Variants in ITIH2 observed in about 807,000 individuals in gnomAD.
ITIH2 encodes the protein inter-alpha-trypsin inhibitor heavy chain H2.
Under a neutral mutation model 104.4 loss-of-function variants are expected in ITIH2, and 103 were observed. The observed-to-expected ratio is 0.99, with a 90% CI of 0.84 to 1.16. The LOEUF is 1.16. ITIH2 is among the 50% of genes most tolerant of loss of function. ITIH2 has a pLI of 0.00. For missense variants in ITIH2, 1,108 were observed against 1,162.4 expected (o/e 0.95, Z 0.68); for synonymous variants, 436 against 435.4 (o/e 1.00, Z -0.02).
chr10:7,708,429 A>G (rs1342034819), intron 3 of ITIH2, among the ~76,000 whole-genome samples: 1 of 152,220 alleles, frequency 6.6e-6, no homozygotes, highest in Non-Finnish European at 1.5e-5. Flanking sequence ...CCTGTCCAAG[A>G]TCAATGTCTC....
chr10:7,716,629 G>C (rs530403827), intron 5 of ITIH2, among the ~76,000 whole-genome samples: 2 of 151,432 alleles, frequency 1.3e-5, no homozygotes, highest in Non-Finnish European at 2.9e-5. Context: ...CCAGCTACTC[G>C]GGATGCTGAG....
intron 16 of ITIH2, 40 bp downstream of exon 16, chr10:7,738,798 C>A (rs202071114): frequency 2.0e-6 from 3 of 1,528,508 alleles, no homozygotes; most frequent in Non-Finnish European, 8.8e-7. Context: ...AGAACTCAGC[C>A]GACCATAATC....
intron 12 of ITIH2, among the ~76,000 whole-genome samples, chr10:7,731,079 C>T (rs113527063): frequency 2.0e-5 from 3 of 151,984 alleles, no homozygotes; most frequent in South Asian, 4.1e-4. Flanking sequence ...CCACCAGGCC[C>T]GGCTAATTTT....
At chr10:7,721,088 G>C in intron 7 of ITIH2, 125 bp downstream of exon 7, 2 of 658,592 alleles carry the variant, frequency 3.0e-6, no homozygotes, top group Admixed American at 2.6e-5. Flanking sequence ...AAGAAATGGG[G>C]ATCCCCAAGT....
chr10:7,710,361 T>C (rs1323594939), intron 4 of ITIH2, among the ~76,000 whole-genome samples: 1 of 152,254 alleles, frequency 6.6e-6, no homozygotes, highest in Non-Finnish European at 1.5e-5. Flanking sequence ...AGTTATCCAC[T>C]TGGAGCCTTC....
At position 7,730,072 on chromosome 10, in the gene ITIH2, A is replaced by G. The variant is rs35524242; in HGVS notation, c.1400A>G (p.Asn467Ser). The G allele has an allele frequency of 0.047, 76,511 of 1,612,856 alleles. 2,051 individuals carry two copies. Among genetic ancestry groups the G allele is most frequent in the Middle Eastern group, 0.083 (502 of 6,060 alleles). ...VDYDFLKRLS[N>S]ENHGIAQRIY... ...TATGATTTTTTGAAGAGACTGTCCA[A>G]TGAAAACCATGGAATTGCACAAAGG... Residue 467 changes from asparagine (N) to serine (S), a missense_variant, in exon 12 of 21, where the codon AAT (asparagine) becomes AGT (serine). Physicochemically the swap from Asn to Ser is conservative, Grantham distance 46. Transcript: ENST00000358415.
chr10:7,727,803 G>T lies in ITIH2; in HGVS notation c.1254G>T (p.Leu418Phe), dbSNP rs754351617. 1 of 1,614,138 alleles carries T rather than the reference G, an allele frequency of 6.2e-7. No individual in the cohort carries two copies. The change falls in exon 11 of 21, where the codon TTG becomes TTT. Residue 418 changes from leucine to phenylalanine, a missense_variant. Physicochemically the swap from Leu to Phe is conservative, Grantham distance 22. Transcript: ENST00000358415. ...LDPNSVSLII[L>F]VSDGDPTVGE... ...CCAACTCCGTCTCGCTGATCATTTT[G>T]GTTTCTGATGGAGATCCAACAGTGG...
intron 19 of ITIH2, among the ~76,000 whole-genome samples, chr10:7,745,807 C>T (rs144017473): frequency 0.039 from 5,820 of 151,042 alleles, 165 homozygotes; most frequent in African/African-American, 0.068. Context: ...CAGGCTGGAG[C>T]GCAGTGGCGC....
In ITIH2 at chr10:7,708,539, G is replaced by A. The variant is rs866699410; in HGVS notation, c.193-483G>A. Among the ~76,000 whole-genome samples the A allele has an allele frequency of 1.3e-5, 2 of 152,140 alleles. 1 individual carries two copies. Among genetic ancestry groups the A allele is most frequent in the South Asian group, 4.1e-4 (2 of 4,826 alleles). On this transcript the variant is annotated intron_variant, in intron 3 of 20. Transcript: ENST00000358415. Reference sequence around the variant, plus strand: ...AATAGAGGAGATTAAAGAAGGTAGAGAGCTGTAAGGGGGGGTTGGTGGAGG... The same window carrying A: ...AATAGAGGAGATTAAAGAAGGTAGAAAGCTGTAAGGGGGGGTTGGTGGAGG...
intron 5 of ITIH2, among the ~76,000 whole-genome samples, chr10:7,717,033 T>C (rs11255306): frequency 0.77 from 116,714 of 150,928 alleles, 45,239 homozygotes; most frequent in Admixed American, 0.84. Context: ...ACGCAACCTC[T>C]GCCTCCTGGG....
In ITIH2 at chr10:7,714,451, C is replaced by T. The variant is rs113418806; in HGVS notation, c.467+1166C>T. ...CCTCCCAAACTGCTGGGATTACAGG[C>T]GTGAGCCACTGTGCCTGGCCCACGC... On this transcript the variant is annotated intron_variant, in intron 5 of 20. Transcript: ENST00000358415. 2.9e-3 allele frequency among the ~76,000 whole-genome samples: 434 copies of T among 152,198 alleles called. 4 individuals carry two copies. Among genetic ancestry groups the T allele is most frequent in the African/African-American group, 9.7e-3 (401 of 41,526 alleles).
chr10:7,721,703 C>G lies in ITIH2; in HGVS notation c.793C>G (p.Arg265Gly). ...VAQQRICPNC[R>G]ETAVDGELVV... ...ACAGCAGAGAATATGCCCTAACTGC[C>G]GGGAGACTGCGGTAGATGGGGAACT... The change falls in exon 8 of 21, where the codon CGG (arginine) becomes GGG (glycine). Residue 265 changes from arginine to glycine, a missense_variant. By Grantham distance (125) the Arg-to-Gly change is moderately radical (BLOSUM62 -2). Transcript: ENST00000358415. The G allele has an allele frequency of 6.2e-7, 1 of 1,613,752 alleles. No individual in the cohort carries two copies. Among genetic ancestry groups the G allele is most frequent in the Non-Finnish European group, 8.5e-7 (1 of 1,179,766 alleles).
chr10:7,728,228 C>G (rs1210936453), intron 11 of ITIH2, among the ~76,000 whole-genome samples: 1 of 152,142 alleles, frequency 6.6e-6, no homozygotes, highest in East Asian at 1.9e-4. Context: ...GCCACAGTAG[C>G]ATATTCCCTA....
intron 16 of ITIH2, among the ~76,000 whole-genome samples, chr10:7,742,736 C>A (rs1040411932): frequency 6.6e-6 from 1 of 152,104 alleles, no homozygotes; most frequent in Non-Finnish European, 1.5e-5. Context: ...AGAGGGAGAT[C>A]CTGTCTCAAA....
chr10:7,729,808 A>G, intron 11 of ITIH2, 144 bp from the exon 12 acceptor site: 1 of 535,840 alleles, frequency 1.9e-6, no homozygotes, highest in Non-Finnish European at 3.3e-6. Context: ...ATCTCTAAGA[A>G]AAACTAGAAA....
intron 5 of ITIH2, among the ~76,000 whole-genome samples, chr10:7,713,934 C>T (rs1263875503): frequency 6.6e-6 from 1 of 152,012 alleles, no homozygotes; most frequent in African/African-American, 2.4e-5. Context: ...AGCGATCCTC[C>T]CATGTCAGCC....
At position 7,703,364 on chromosome 10, in the gene ITIH2, G is replaced by A. The variant is rs1834714456; in HGVS notation, c.-71G>A. 2 of 1,009,008 alleles carry A rather than the reference G, an allele frequency of 2.0e-6. No homozygotes were observed. The highest frequency in any genetic ancestry group is 1.6e-5 in the African/African-American group (1 of 63,042). The allele number at this position is 1,009,008 out of a possible 1,614,324, so 62.5% of individuals were successfully genotyped here. A position where few individuals can be genotyped will look rare whatever the true frequency, so the allele number is the denominator to read the frequency against. Reference sequence around the variant, plus strand: ...CTCCTCTGCTGTTCCTTTGAACTTGGTTCAGTAGGAAGAAGTGATATCCTC... The same window carrying A: ...CTCCTCTGCTGTTCCTTTGAACTTGATTCAGTAGGAAGAAGTGATATCCTC... On this transcript the variant is annotated 5_prime_UTR_variant, in exon 1 of 21. Transcript: ENST00000358415.
chr10:7,720,392 A>G (rs1834890356), intron 6 of ITIH2, among the ~76,000 whole-genome samples: 1 of 152,220 alleles, frequency 6.6e-6, no homozygotes, highest in Non-Finnish European at 1.5e-5. Context: ...GTCAAGAATC[A>G]CCAAAGGGGA....
At chr10:7,720,722 A>C in intron 6 of ITIH2, 134 bp from the exon 7 acceptor site, 1 of 591,060 alleles carries the variant, frequency 1.7e-6, no homozygotes, top group Non-Finnish European at 3.1e-6. Context: ...ATCCTGCAGG[A>C]GAGATCGTGG....
Sources: allele counts gnomAD v4.1 joint callset (sites outside exome capture counted in the v4.1 genomes callset), GRCh38; gene constraint gnomAD v4.1.1; transcripts MANE v1.5; gene names NCBI Gene and HGNC (gene_info 2026-07-23, HGNC 2026-07-21).